The following MAPK14 variants were observed in gnomAD, a reference collection of about 807,000 sequenced individuals.
MAPK14 encodes CSAID-binding protein.
In MAPK14, 16 loss-of-function variants were observed where a neutral mutation model predicts 49.6. The observed-to-expected ratio is 0.32, with a 90% confidence interval of 0.22 to 0.49. The LOEUF (loss-of-function observed/expected upper bound fraction) is 0.49. Ranked by LOEUF, MAPK14 falls within the 20% of genes least tolerant of loss-of-function variation. The pLI is 0.99. For missense variants in MAPK14, 200 were observed against 441.2 expected, an observed-to-expected ratio of 0.45 and a Z score of 4.90; for synonymous variants, 142 against 158.0, an observed-to-expected ratio of 0.90 and a Z score of 0.76.
At chr6:36,040,078 GT>G (rs1317505682) in intron 1 of MAPK14, among the ~76,000 whole-genome samples, 1 of 151,900 alleles carries the variant, frequency 6.6e-6, no homozygotes, top group East Asian at 1.9e-4. Context: ...GTCCTCTGTA[GT>G]TTTGGATCTT....
At chr6:36,080,206 A>G (rs545282249) in intron 8 of MAPK14, among the ~76,000 whole-genome samples, 1 of 152,298 alleles carries the variant, frequency 6.6e-6, no homozygotes, top group African/African-American at 2.4e-5. Flanking sequence ...CCAAATTGCT[A>G]GATTACAGGC....
chr6:36,073,919 T>G (rs770523120), intron 5 of MAPK14, 130 bp from the exon 6 acceptor site: 9 of 874,204 alleles, frequency 1.0e-5, no homozygotes, highest in Non-Finnish European at 1.7e-5. Flanking sequence ...GGATATTGAC[T>G]GTAGGATGGA....
intron 1 of MAPK14, among the ~76,000 whole-genome samples, chr6:36,029,798 C>T (rs1739959001): frequency 6.6e-6 from 1 of 152,002 alleles, no homozygotes; most frequent in Admixed American, 6.6e-5. Flanking sequence ...TACAGCATGG[C>T]AGTTTACATT....
intron 9 of MAPK14, chr6:36,100,360 G>A: frequency 2.1e-6 from 2 of 952,490 alleles, no homozygotes; most frequent in Non-Finnish European, 3.5e-6. Flanking sequence ...TAACATCACT[G>A]GATGCTTGCA....
the MAPK14 span, among the ~76,000 whole-genome samples, chr6:36,121,032 G>A: frequency 6.6e-6 from 1 of 152,130 alleles, no homozygotes; most frequent in Admixed American, 6.5e-5. Flanking sequence ...AAGAGCTGCT[G>A]AGCAGGTTGT....
chr6:36,074,603 A>G (rs1307668219), intron 6 of MAPK14, among the ~76,000 whole-genome samples: 1 of 152,048 alleles, frequency 6.6e-6, no homozygotes. Context: ...CATTTATGAT[A>G]AAGACCATTT....
the MAPK14 span, among the ~76,000 whole-genome samples, chr6:36,120,450 C>T: frequency 2.6e-5 from 4 of 151,788 alleles, no homozygotes; most frequent in African/African-American, 9.7e-5. Flanking sequence ...GCTGGCCATC[C>T]GGAACATACT....
intron 8 of MAPK14, among the ~76,000 whole-genome samples, chr6:36,093,697 C>G (rs1005055627): frequency 8.4e-6 from 1 of 118,916 alleles, no homozygotes; most frequent in Admixed American, 1.1e-4. Flanking sequence ...CCAGCCTGGG[C>G]GACAGAGCGA....
chr6:36,103,774 C>G (rs1490304711), intron 10 of MAPK14, among the ~76,000 whole-genome samples: 1 of 152,150 alleles, frequency 6.6e-6, no homozygotes, highest in African/African-American at 2.4e-5. Context: ...AGGATCAGAC[C>G]AGGACCTCCC....
Position 36,032,541 on chromosome 6 carries a change from G to T in MAPK14, c.116+4268G>T, listed in dbSNP as rs115584380. On this transcript the variant is annotated intron_variant, in intron 1 of 11. Coordinates refer to ENST00000229794, the MANE Select transcript of MAPK14 (RefSeq NM_139012.3). The stretch of plus-strand genomic sequence containing the variant: ...TTCCTCTGGGGTAGGGTTCTTCCAG[G>T]CCCTTGCTGTTGATTAGAGGAGGTG... Among the ~76,000 whole-genome samples, 1,043 of 152,296 alleles carry T rather than the reference G, an allele frequency of 6.8e-3. 8 individuals are homozygous for T. The highest frequency in any genetic ancestry group is 0.024 in the African/African-American group (1,012 of 41,550).
In MAPK14 at chr6:36,074,077, A is replaced by G; in HGVS notation, c.476A>G (p.Asn159Ser). 1 of 1,613,232 alleles carries G rather than the reference A, an allele frequency of 6.2e-7. No homozygotes were observed. The highest frequency in any genetic ancestry group is 8.5e-7 in the Non-Finnish European group (1 of 1,179,330). Residue 159 changes from asparagine (N) to serine (S), a missense_variant, in exon 6 of 12, where the codon AAT (asparagine) becomes AGT (serine). Transcript: ENST00000229794. ...CTAAAACCTAGTAATCTAGCTGTGA[A>G]TGAAGACTGTGAGCTGAAGGTAAAA... ...RDLKPSNLAV[N>S]EDCELKILDF...
chr6:36,072,231 G>A (rs947366591), intron 3 of MAPK14, among the ~76,000 whole-genome samples: 8 of 152,104 alleles, frequency 5.3e-5, no homozygotes, highest in Middle Eastern at 3.4e-3. Flanking sequence ...CTAGCTACTC[G>A]GAAGGCTGAG....
intron 3 of MAPK14, among the ~76,000 whole-genome samples, chr6:36,070,043 C>T (rs1349509035): frequency 6.6e-6 from 1 of 152,092 alleles, no homozygotes; most frequent in Admixed American, 6.5e-5. Flanking sequence ...TCAGCTTATG[C>T]ATCAATTTAG....
the MAPK14 span, among the ~76,000 whole-genome samples, chr6:36,121,514 C>T: frequency 1.2e-4 from 19 of 152,132 alleles, no homozygotes; most frequent in Non-Finnish European, 2.1e-4. Context: ...GAGTGAAGAC[C>T]AGGCCTGAGA....
the MAPK14 span, among the ~76,000 whole-genome samples, chr6:36,116,793 T>TA: frequency 6.6e-6 from 1 of 152,116 alleles, no homozygotes; most frequent in East Asian, 1.9e-4. Flanking sequence ...CTACTTTCCT[T>TA]ACCTCCCTAC....
intron 3 of MAPK14, among the ~76,000 whole-genome samples, chr6:36,070,454 A>C (rs1052665175): frequency 5.9e-5 from 9 of 152,236 alleles, no homozygotes; most frequent in African/African-American, 9.6e-5. Flanking sequence ...GGAAGAGTAC[A>C]TGAGACATAA....
chr6:36,120,407 T>C, the MAPK14 span, among the ~76,000 whole-genome samples: 1 of 151,576 alleles, frequency 6.6e-6, no homozygotes. Context: ...CCAAGTGAAT[T>C]TCACCCTCAG....
At chr6:36,095,340 C>T (rs1581839037) in intron 8 of MAPK14, among the ~76,000 whole-genome samples, 1 of 152,170 alleles carries the variant, frequency 6.6e-6, no homozygotes, top group Non-Finnish European at 1.5e-5. Flanking sequence ...AAGGAACATG[C>T]GATGGGAGAG....
At chr6:36,073,840 T>C in intron 5 of MAPK14, 120 bp downstream of exon 5, 1 of 1,091,602 alleles carries the variant, frequency 9.2e-7, no homozygotes. Context: ...ATTGCAACTT[T>C]ACTGTAGGTT....
Sources: gnomAD v4.1 joint callset for allele counts (sites outside exome capture counted in the v4.1 genomes callset) on GRCh38, gnomAD v4.1.1 for gene constraint, MANE v1.5 for transcripts, NCBI Gene and HGNC (gene_info 2026-07-23, HGNC 2026-07-21) for gene names.